DNAH14: variants seen among roughly 807,000 people sequenced by gnomAD.
DNAH14 encodes the protein dynein axonemal heavy chain 14.
Under a neutral mutation model 520.9 loss-of-function variants are expected in DNAH14, and 478 were observed. That is an observed-to-expected ratio of 0.92 (90% CI 0.85 to 0.99). The LOEUF (loss-of-function observed/expected upper bound fraction) is 0.99. Ranked by LOEUF, DNAH14 falls within the 50% of genes least tolerant of loss-of-function variation. DNAH14 has a pLI of 0.00. For synonymous variants in DNAH14, 1,581 were observed against 1,757.2 expected (o/e 0.90, Z 2.51); for missense variants, 4,831 against 5,234.5 (o/e 0.92, Z 2.38).
chr1:225,144,396 G>T lies in DNAH14; in HGVS notation c.4509-1G>T. 1 of 1,544,398 alleles carries T rather than the reference G, an allele frequency of 6.5e-7. No homozygotes were observed. Among genetic ancestry groups the T allele is most frequent in the South Asian group, 1.2e-5 (1 of 82,910 alleles). On this transcript the variant is annotated splice_acceptor_variant, in intron 28 of 85. Coordinates refer to ENST00000682510, the MANE Select transcript of DNAH14 (RefSeq NM_001367479.1). LOFTEE classifies it high-confidence loss of function. Reference sequence around the variant, plus strand: ...ATGAACATTTAAAATTTGGCTTTCAGACATTTGCAATATAAATGGAATGAA... The same window carrying T: ...ATGAACATTTAAAATTTGGCTTTCATACATTTGCAATATAAATGGAATGAA...
intron 55 of DNAH14, among the ~76,000 whole-genome samples, chr1:225,296,644 C>CTCCCT (rs950703308): frequency 3.9e-5 from 6 of 151,998 alleles, no homozygotes; most frequent in Admixed American, 3.3e-4. Context: ...ACTTGTAAGA[C>CTCCCT]TCCCTTGAGC....
At chr1:225,212,117 C>A (rs2088534833) in intron 41 of DNAH14, among the ~76,000 whole-genome samples, 1 of 136,190 alleles carries the variant, frequency 7.3e-6, no homozygotes, top group African/African-American at 2.8e-5. Context: ...CAAGTGTTCT[C>A]ATTGTTCAAT....
rs1381459398 is a variant in DNAH14 at position 225,335,334 on chromosome 1, TGTACATGTGTGTGTATATGCATATAC to T, written c.10080+1829_10080+1854del. 4.0e-3 allele frequency among the ~76,000 whole-genome samples: 421 copies of T among 106,214 alleles called. 88 individuals carry two copies. The East Asian group carries it at 0.068, about 17-fold the overall frequency. 69.7% of individuals were successfully genotyped at this position (106,214 alleles called of 152,430 possible). A position where few individuals can be genotyped will look rare whatever the true frequency, so the allele number is the denominator to read the frequency against. On this transcript the variant is annotated intron_variant, in intron 66 of 85. Transcript: ENST00000682510. ...GTGTGTATATGCACATATACACGTG[TGTACATGTGTGTGTATATGCATATAC>T]ACGTGTACATGTGTGTGTATATGCA... is the stretch of plus-strand genomic sequence containing the variant.
chr1:225,143,149 T>C (rs1317289750), intron 28 of DNAH14, among the ~76,000 whole-genome samples: 1 of 152,006 alleles, frequency 6.6e-6, no homozygotes, highest in Non-Finnish European at 1.5e-5. Flanking sequence ...TGCAGTGAAC[T>C]GAGAAAATTT....
In DNAH14 at chr1:225,140,893, G is replaced by A. The variant is rs1460902883; in HGVS notation, c.4380G>A (p.Leu1460=). 6.4e-7 allele frequency: 1 copy of A among 1,551,150 alleles called. No individual in the cohort carries two copies. The highest frequency in any genetic ancestry group is 2.0e-5 in the Admixed American group (1 of 50,950). The change falls in exon 28 of 86, where the codon CTG becomes CTA. Residue 1460 remains leucine (L), a synonymous_variant. Coordinates refer to ENST00000682510, the MANE Select transcript of DNAH14 (RefSeq NM_001367479.1). ...HLEEVADLVV[L]DTSNSRTKAI... is the part of the protein sequence containing the mutation. The stretch of plus-strand genomic sequence containing the variant: ...AAGAGGTTGCAGACCTGGTAGTGCT[G>A]GATACTAGTAACTCTCGAACAAAAG...
chr1:225,090,663 A>G (rs940514660), intron 21 of DNAH14, among the ~76,000 whole-genome samples: 4 of 152,178 alleles, frequency 2.6e-5, no homozygotes, highest in Non-Finnish European at 5.9e-5. Flanking sequence ...TAATTGAACA[A>G]TCATATGCAA....
chr1:225,123,364 G>T (rs1312318053), intron 26 of DNAH14, among the ~76,000 whole-genome samples, 163 bp from the exon 27 acceptor site: 1 of 152,064 alleles, frequency 6.6e-6, no homozygotes, highest in African/African-American at 2.4e-5. Context: ...ATTATGCTTC[G>T]ATTAAGGCTC....
intron 72 of DNAH14, among the ~76,000 whole-genome samples, chr1:225,352,109 G>A (rs2095373000): frequency 6.6e-6 from 1 of 152,064 alleles, no homozygotes; most frequent in African/African-American, 2.4e-5. Flanking sequence ...GAATTTCAGA[G>A]AGATTAAATA....
intron 33 of DNAH14, among the ~76,000 whole-genome samples, chr1:225,153,087 T>C (rs1453055321): frequency 6.6e-6 from 1 of 152,158 alleles, no homozygotes; most frequent in Non-Finnish European, 1.5e-5. Context: ...GTAAAATCAG[T>C]CAAGGTTCTA....
intron 35 of DNAH14, among the ~76,000 whole-genome samples, chr1:225,161,678 G>A (rs2081532824): frequency 6.6e-6 from 1 of 152,010 alleles, no homozygotes; most frequent in South Asian, 2.1e-4. Flanking sequence ...ATTTGTTATT[G>A]CCTCTCTTTG....
chr1:225,250,580 A>G, intron 43 of DNAH14: 1 of 439,532 alleles, frequency 2.3e-6, no homozygotes, highest in Non-Finnish European at 4.2e-6. Context: ...AGAAAAGGGA[A>G]CTGGAAACGG....
chr1:225,384,908 T>G (rs997269650), intron 81 of DNAH14, among the ~76,000 whole-genome samples: 3 of 152,182 alleles, frequency 2.0e-5, no homozygotes, highest in Non-Finnish European at 2.9e-5. Flanking sequence ...TACCAAAGCC[T>G]GGCAGAGACA....
At chr1:225,329,830 A>G (rs151001868) in intron 64 of DNAH14, among the ~76,000 whole-genome samples, 219 of 152,302 alleles carry the variant, frequency 1.4e-3, no homozygotes, top group African/African-American at 5.1e-3. Flanking sequence ...AAGCTTCTGC[A>G]CAGTAAAGGA....
intron 26 of DNAH14, among the ~76,000 whole-genome samples, chr1:225,119,920 A>G (rs1002220799): frequency 1.3e-5 from 2 of 152,222 alleles, no homozygotes; most frequent in Non-Finnish European, 2.9e-5. Flanking sequence ...AGCAGAGAAG[A>G]TTATGATTTA....
intron 55 of DNAH14, among the ~76,000 whole-genome samples, chr1:225,300,169 T>C (rs10495233): frequency 0.26 from 39,560 of 152,068 alleles, 5,732 homozygotes; most frequent in Non-Finnish European, 0.33. Context: ...CCTTCAGCAA[T>C]GTTATTTCTA....
At chr1:225,138,232 A>G (rs949113523) in intron 27 of DNAH14, among the ~76,000 whole-genome samples, 2 of 152,172 alleles carry the variant, frequency 1.3e-5, no homozygotes, top group Non-Finnish European at 2.9e-5. Flanking sequence ...AGGCCACAGC[A>G]TTGCACTGTG....
chr1:225,239,562 C>A (rs2091842829), intron 42 of DNAH14, among the ~76,000 whole-genome samples: 1 of 152,208 alleles, frequency 6.6e-6, no homozygotes, highest in Admixed American at 6.5e-5. Context: ...AAGGTGCTGA[C>A]TTCTCTCGCT....
chr1:225,005,175 C>T (rs72746953), intron 9 of DNAH14, among the ~76,000 whole-genome samples: 6,393 of 152,130 alleles, frequency 0.042, 203 homozygotes, highest in Middle Eastern at 0.061. Context: ...AGAGTTGAGA[C>T]TTTGGATCAT....
chr1:225,270,989 C>T (rs908113078), intron 50 of DNAH14, 123 bp downstream of exon 50: 64 of 1,050,720 alleles, frequency 6.1e-5, no homozygotes, highest in South Asian at 8.8e-5. Flanking sequence ...TTTATTTCCC[C>T]GTATGTTTTC....
Sources: allele counts gnomAD v4.1 joint callset (sites outside exome capture counted in the v4.1 genomes callset), GRCh38; gene constraint gnomAD v4.1.1; transcripts MANE v1.5; gene names NCBI Gene and HGNC (gene_info 2026-07-23, HGNC 2026-07-21).